CKAP5: variants seen among roughly 807,000 people sequenced by gnomAD.
CKAP5 encodes cytoskeleton-associated protein 5.
A neutral mutation model predicts 232.8 loss-of-function variants in CKAP5; 27 were observed. The ratio of observed to expected loss-of-function variants is 0.12; its 90% CI spans 0.09 to 0.16. The LOEUF (loss-of-function observed/expected upper bound fraction) is 0.16, where lower values mean the gene tolerates loss of function less well. Ranked by LOEUF, CKAP5 falls within the 10% of genes least tolerant of loss-of-function variation. The pLI is 1.00. For synonymous variants in CKAP5, 785 were observed against 841.1 expected (o/e 0.93, Z 1.16); for missense variants, 1,838 against 2,424.7 (o/e 0.76, Z 5.08).
At chr11:46,762,500 G>T in intron 31 of CKAP5, 127 bp downstream of exon 31, 1 of 1,180,384 alleles carries the variant, frequency 8.5e-7, no homozygotes, top group Non-Finnish European at 1.3e-6. Flanking sequence ...CACTCTCACA[G>T]TCTAAATCAG....
chr11:46,756,927 T>A (rs2065114710), intron 35 of CKAP5, among the ~76,000 whole-genome samples: 1 of 151,442 alleles, frequency 6.6e-6, no homozygotes. Context: ...GGCTATTTTT[T>A]TTTTTTTTTG....
chr11:46,794,662 G>T (rs1369170770), intron 13 of CKAP5, among the ~76,000 whole-genome samples: 1 of 151,412 alleles, frequency 6.6e-6, no homozygotes, highest in Non-Finnish European at 1.5e-5. Flanking sequence ...ACACAGCGAG[G>T]CCCTCTATAA....
chr11:46,788,622 A>G, intron 16 of CKAP5, 59 bp downstream of exon 16: 1 of 988,424 alleles, frequency 1.0e-6, no homozygotes, highest in Non-Finnish European at 1.6e-6. Flanking sequence ...ATTACTCCAT[A>G]GGATGATGTA....
At chr11:46,750,983 C>G in intron 40 of CKAP5, 135 bp downstream of exon 40, 1 of 989,956 alleles carries the variant, frequency 1.0e-6, no homozygotes, top group Non-Finnish European at 1.5e-6. Context: ...TGCACCACAG[C>G]AGGAGACTGA....
In CKAP5 at chr11:46,743,809, T is replaced by C; in HGVS notation, c.*214A>G. On this transcript the variant is annotated 3_prime_UTR_variant, in exon 44 of 44. Transcript: ENST00000529230. ...CTGTTTACAAGTCTGTACACTAAAC[T>C]CATCCACGGACAGTCTTCTAGAGCA... The C allele has an allele frequency of 1.7e-6, 1 of 596,484 alleles. No individual in the cohort carries two copies. Among genetic ancestry groups the C allele is most frequent in the Non-Finnish European group, 2.9e-6 (1 of 341,426 alleles). 36.9% of individuals were successfully genotyped at this position (596,484 alleles called of 1,614,324 possible).
chr11:46,830,417 G>A (rs1939760049), intron 1 of CKAP5, among the ~76,000 whole-genome samples: 3 of 139,572 alleles, frequency 2.1e-5, no homozygotes, highest in African/African-American at 7.9e-5. Context: ...CTCCAGCCTG[G>A]GCAACAGAGC....
Position 46,808,011 on chromosome 11 carries a change from C to A in CKAP5, c.978+20G>T. ...CCTGATGGCTGTTACAATACCAGTA[C>A]TGCAAGTCCTCATATTTACCTTCTT... On this transcript the variant is annotated intron_variant, in intron 8 of 43. Coordinates refer to ENST00000529230, the MANE Select transcript of CKAP5 (RefSeq NM_001008938.4). The A allele has an allele frequency of 6.4e-7, 1 of 1,558,980 alleles. No homozygotes were observed. Among genetic ancestry groups the A allele is most frequent in the Non-Finnish European group, 8.8e-7 (1 of 1,130,988 alleles).
chr11:46,792,368 C>T (rs970386950), intron 13 of CKAP5, among the ~76,000 whole-genome samples: 4 of 152,052 alleles, frequency 2.6e-5, no homozygotes, highest in African/African-American at 9.7e-5. Flanking sequence ...GGCTGGACGA[C>T]ATGGTGAAAT....
intron 24 of CKAP5, 90 bp from the exon 25 acceptor site, chr11:46,771,072 G>C: frequency 9.0e-7 from 1 of 1,105,070 alleles, no homozygotes; most frequent in South Asian, 1.7e-5. Flanking sequence ...TTAGTCTCAA[G>C]CACTGAATTA....
At chr11:46,770,668 A>C (rs1259768893) in intron 25 of CKAP5, 120 bp downstream of exon 25, 17 of 860,404 alleles carry the variant, frequency 2.0e-5, no homozygotes, top group Non-Finnish European at 2.7e-5. Context: ...ACCTCAGGTA[A>C]TCCACCTGTC....
intron 1 of CKAP5, among the ~76,000 whole-genome samples, chr11:46,832,969 A>AT (rs1024516761): frequency 1.3e-5 from 2 of 151,076 alleles, no homozygotes; most frequent in Admixed American, 6.6e-5. Flanking sequence ...AAAAAAAAAA[A>AT]TTTTTTTTCC....
At chr11:46,765,506 G>A (rs1344411502) in intron 27 of CKAP5, among the ~76,000 whole-genome samples, 1 of 151,494 alleles carries the variant, frequency 6.6e-6, no homozygotes, top group East Asian at 1.9e-4. Context: ...TGGAAAAACT[G>A]CTATTACTGA....
At chr11:46,818,034 C>G (rs1465678950) in intron 3 of CKAP5, among the ~76,000 whole-genome samples, 2 of 152,070 alleles carry the variant, frequency 1.3e-5, no homozygotes, top group African/African-American at 4.8e-5. Context: ...TAGAATAATT[C>G]CCATACAAAA....
At chr11:46,767,550 A>G (rs752749653) in intron 27 of CKAP5, 25 bp downstream of exon 27, 2 of 1,454,550 alleles carry the variant, frequency 1.4e-6, no homozygotes, top group East Asian at 2.3e-5. Flanking sequence ...GCAAGTCTAC[A>G]TCGAAGTATA....
intron 1 of CKAP5, among the ~76,000 whole-genome samples, chr11:46,825,766 AG>A (rs1379122214): frequency 1.3e-5 from 2 of 151,934 alleles, no homozygotes; most frequent in Non-Finnish European, 2.9e-5. Flanking sequence ...AAAAAAAAAA[AG>A]AAATTATTTT....
In CKAP5 at chr11:46,807,334, G is replaced by A. The variant is rs191525252; in HGVS notation, c.978+697C>T. 2.7e-3 allele frequency among the ~76,000 whole-genome samples: 415 copies of A among 152,250 alleles called. 3 individuals are homozygous for A. Among genetic ancestry groups the A allele is most frequent in the African/African-American group, 9.8e-3 (407 of 41,556 alleles). On this transcript the variant is annotated intron_variant, in intron 8 of 43. Transcript: ENST00000529230. Reference sequence around the variant, plus strand: ...ACTACAAGTAATGACTTAGGTGTGCGTATAATTAAAAATCAACTTCCTCCC... The same window carrying A: ...ACTACAAGTAATGACTTAGGTGTGCATATAATTAAAAATCAACTTCCTCCC...
intron 1 of CKAP5, chr11:46,826,865 C>A (rs1210074748): frequency 1.3e-5 from 2 of 154,860 alleles, no homozygotes; most frequent in South Asian, 1.8e-4. Context: ...GTGCTGCGGT[C>A]CGCTGGGAAA....
At chr11:46,807,424 G>A (rs1428026330) in intron 8 of CKAP5, among the ~76,000 whole-genome samples, 1 of 152,124 alleles carries the variant, frequency 6.6e-6, no homozygotes, top group Non-Finnish European at 1.5e-5. Context: ...TTTCATTCTT[G>A]CTATATTCAT....
chr11:46,767,881 C>T (rs1253869598), intron 26 of CKAP5, among the ~76,000 whole-genome samples: 1 of 152,076 alleles, frequency 6.6e-6, no homozygotes, highest in Admixed American at 6.6e-5. Context: ...CAGTCCTGAC[C>T]TCCTGGGCTC....
Sources: gnomAD v4.1 joint callset for allele counts (sites outside exome capture counted in the v4.1 genomes callset) on GRCh38, gnomAD v4.1.1 for gene constraint, MANE v1.5 for transcripts, NCBI Gene and HGNC (gene_info 2026-07-23, HGNC 2026-07-21) for gene names.